The following EML4 variants were observed in gnomAD, a reference collection of about 807,000 sequenced individuals.
EML4 encodes the protein echinoderm microtubule-associated protein-like 4.
Under a neutral mutation model 129.0 loss-of-function variants are expected in EML4, and 72 were observed. The observed-to-expected ratio is 0.56, with a 90% CI of 0.46 to 0.68. The LOEUF (loss-of-function observed/expected upper bound fraction) is 0.68, where lower values mean the gene tolerates loss of function less well. Ranked by LOEUF, EML4 falls within the 30% of genes least tolerant of loss-of-function variation. The probability of loss-of-function intolerance (pLI) is 0.00; values close to 1 mark genes in which losing one functional copy is unlikely to be tolerated. For missense variants in EML4, 1,363 were observed against 1,190.6 expected, an observed-to-expected ratio of 1.14 and a Z score of -2.13; for synonymous variants, 532 against 405.0, an observed-to-expected ratio of 1.31 and a Z score of -3.77.
chr2:42,283,221 T>C (rs764382649), intron 8 of EML4, among the ~76,000 whole-genome samples: 1 of 152,236 alleles, frequency 6.6e-6, no homozygotes, highest in Non-Finnish European at 1.5e-5. Context: ...CTTTCTCATG[T>C]CGTACAGTCC....
intron 1 of EML4, among the ~76,000 whole-genome samples, chr2:42,233,685 CTCAT>C (rs1674490991): frequency 6.6e-6 from 1 of 152,064 alleles, no homozygotes; most frequent in Non-Finnish European, 1.5e-5. Context: ...AAAAATGATT[CTCAT>C]TGTTAATTAT....
chr2:42,274,646 C>T (rs80094969), intron 6 of EML4, among the ~76,000 whole-genome samples: 2 of 152,138 alleles, frequency 1.3e-5, no homozygotes, highest in Admixed American at 1.3e-4. Context: ...ATTATTTATA[C>T]GTGAGTATGA....
chr2:42,274,198 C>A (rs2104436182), intron 6 of EML4, among the ~76,000 whole-genome samples: 1 of 152,270 alleles, frequency 6.6e-6, no homozygotes, highest in South Asian at 2.1e-4. Flanking sequence ...TCATACTCTC[C>A]TACCTTTCAG....
At chr2:42,254,609 C>T (rs1488769825) in intron 2 of EML4, among the ~76,000 whole-genome samples, 1 of 104,286 alleles carries the variant, frequency 9.6e-6, no homozygotes, top group Non-Finnish European at 1.9e-5. Context: ...CACTTAATAC[C>T]CTCTTGAGTT....
intron 2 of EML4, among the ~76,000 whole-genome samples, chr2:42,252,335 A>G (rs1369600911): frequency 6.6e-6 from 1 of 152,146 alleles, no homozygotes; most frequent in African/African-American, 2.4e-5. Context: ...ATTGACCTTC[A>G]TCCTGGCATT....
intron 1 of EML4, among the ~76,000 whole-genome samples, chr2:42,211,277 G>T (rs6704819): frequency 0.64 from 97,269 of 151,980 alleles, 31,589 homozygotes; most frequent in East Asian, 0.74. Context: ...CAAAATGGTA[G>T]GGGTGTGAGG....
chr2:42,201,337 G>T (rs1672220700), intron 1 of EML4, among the ~76,000 whole-genome samples: 1 of 152,202 alleles, frequency 6.6e-6, no homozygotes, highest in African/African-American at 2.4e-5. Flanking sequence ...TTTTACAGAG[G>T]TGGAAACTAA....
intron 6 of EML4, among the ~76,000 whole-genome samples, chr2:42,269,368 T>G (rs1378403670): frequency 6.6e-6 from 1 of 152,228 alleles, no homozygotes; most frequent in Non-Finnish European, 1.5e-5. Flanking sequence ...TTGTTCTTTA[T>G]CAGATATACA....
intron 1 of EML4, among the ~76,000 whole-genome samples, chr2:42,242,983 G>A (rs546378205): frequency 6.6e-5 from 10 of 152,088 alleles, no homozygotes; most frequent in African/African-American, 2.4e-4. Flanking sequence ...TCACTACGTT[G>A]CCCAGGCTGG....
chr2:42,217,066 C>G (rs896490806), intron 1 of EML4, among the ~76,000 whole-genome samples: 3 of 152,034 alleles, frequency 2.0e-5, no homozygotes, highest in Admixed American at 6.5e-5. Context: ...ATTTTTTTAA[C>G]CAATATTCTG....
chr2:42,224,613 T>C (rs1485386672), intron 1 of EML4, among the ~76,000 whole-genome samples: 3 of 152,120 alleles, frequency 2.0e-5, no homozygotes, highest in Non-Finnish European at 4.4e-5. Flanking sequence ...TTTAACCTTT[T>C]GAAGAACTGC....
intron 11 of EML4, among the ~76,000 whole-genome samples, chr2:42,293,816 GGCC>G (rs1667793214): frequency 6.6e-6 from 1 of 152,132 alleles, no homozygotes; most frequent in African/African-American, 2.4e-5. Context: ...TCACCATCTT[GGCC>G]AGGCTGATCT....
chr2:42,298,111 C>A (rs1457683341), intron 13 of EML4, among the ~76,000 whole-genome samples: 1 of 152,164 alleles, frequency 6.6e-6, no homozygotes, highest in African/African-American at 2.4e-5. Flanking sequence ...TTAAAATGTT[C>A]ACCATTCTTA....
chr2:42,257,266 C>T (rs1676213380), intron 3 of EML4, among the ~76,000 whole-genome samples: 1 of 152,030 alleles, frequency 6.6e-6, no homozygotes, highest in Non-Finnish European at 1.5e-5. Flanking sequence ...CAGGATTTTC[C>T]CCCTTTTGTA....
intron 1 of EML4, among the ~76,000 whole-genome samples, chr2:42,234,419 G>A (rs889556030): frequency 6.6e-6 from 1 of 152,144 alleles, no homozygotes; most frequent in Non-Finnish European, 1.5e-5. Flanking sequence ...GCCTTGTCTC[G>A]CTTCAGTGTG....
intron 17 of EML4, among the ~76,000 whole-genome samples, chr2:42,310,875 T>C (rs972235441): frequency 2.0e-5 from 3 of 152,182 alleles, no homozygotes; most frequent in African/African-American, 7.2e-5. Context: ...CAAAAGTCTT[T>C]TCTGAAGGTA....
chr2:42,247,399 G>C (rs1030131439), intron 2 of EML4, among the ~76,000 whole-genome samples: 2 of 152,160 alleles, frequency 1.3e-5, no homozygotes, highest in Non-Finnish European at 2.9e-5. Flanking sequence ...CTGAGGCTAT[G>C]GAGGCGGGAT....
At position 42,330,472 on chromosome 2, in the gene EML4, A is replaced by C. The variant is rs989276328; in HGVS notation, c.*265A>C. ...ATGTCTCACAAATTACTGTGTACCT[A>C]AGTGGTGTGATGTAAATACTGGAAA... is the stretch of plus-strand genomic sequence containing the variant. On this transcript the variant is annotated 3_prime_UTR_variant, in exon 23 of 23. Transcript: ENST00000318522. The C allele has an allele frequency of 1.1e-5, 6 of 546,446 alleles. No individual in the cohort carries two copies. Among genetic ancestry groups the C allele is most frequent in the Admixed American group, 3.0e-5 (1 of 33,720 alleles). 33.8% of individuals were successfully genotyped at this position (546,446 alleles called of 1,614,324 possible).
At chr2:42,188,213 C>T (rs542530658) in intron 1 of EML4, among the ~76,000 whole-genome samples, 2 of 152,180 alleles carry the variant, frequency 1.3e-5, no homozygotes, top group African/African-American at 2.4e-5. Flanking sequence ...CAAATACCAC[C>T]TTGTCTTAAT....
Sources: allele counts gnomAD v4.1 joint callset (sites outside exome capture counted in the v4.1 genomes callset), GRCh38; gene constraint gnomAD v4.1.1; transcripts MANE v1.5; gene names NCBI Gene and HGNC (gene_info 2026-07-23, HGNC 2026-07-21).